CAMK4: variants seen among roughly 807,000 people sequenced by gnomAD.
The protein encoded by CAMK4 is calcium/calmodulin dependent protein kinase IV.
A neutral mutation model predicts 44.9 loss-of-function variants in CAMK4; 22 were observed. The observed-to-expected ratio is 0.49, with a 90% confidence interval of 0.35 to 0.70. The LOEUF is 0.70. Ranked by LOEUF, CAMK4 falls within the 30% of genes least tolerant of loss-of-function variation. CAMK4 has a pLI of 0.01. For missense variants in CAMK4, 498 were observed against 586.8 expected (o/e 0.85, Z 1.56); for synonymous variants, 218 against 215.4 (o/e 1.01, Z -0.11).
At position 111,382,410 on chromosome 5, in the gene CAMK4, G is replaced by A. The variant is rs73216016; in HGVS notation, c.386+5468G>A. On this transcript the variant is annotated intron_variant, in intron 4 of 10. Transcript: ENST00000282356. ...TGGAGTTGTAGTATGGTTGGTATTAGGATTTAACAAACTTAGAAAAAGTCT... is the reference window on the plus strand; with the variant it reads ...TGGAGTTGTAGTATGGTTGGTATTAAGATTTAACAAACTTAGAAAAAGTCT... Among the ~76,000 whole-genome samples, 243 of 152,200 alleles carry A rather than the reference G, an allele frequency of 1.6e-3. 2 individuals carry two copies. Among genetic ancestry groups the A allele is most frequent in the African/African-American group, 5.5e-3 (227 of 41,526 alleles).
At chr5:111,404,760 A>G (rs1054768717) in intron 5 of CAMK4, among the ~76,000 whole-genome samples, 3 of 152,188 alleles carry the variant, frequency 2.0e-5, no homozygotes, top group Non-Finnish European at 2.9e-5. Flanking sequence ...CAAGAACTCC[A>G]TTGTTAAGGT....
chr5:111,406,270 G>T (rs1580710145), intron 5 of CAMK4, among the ~76,000 whole-genome samples: 1 of 150,514 alleles, frequency 6.6e-6, no homozygotes, highest in East Asian at 2.0e-4. Flanking sequence ...ACCCAGGCTG[G>T]AGTGCAGTGG....
chr5:111,269,149 A>T (rs4957937), intron 1 of CAMK4, among the ~76,000 whole-genome samples: 5 of 151,940 alleles, frequency 3.3e-5, no homozygotes, highest in African/African-American at 1.2e-4. Context: ...CATGCCCATC[A>T]TGTACGTATT....
intron 5 of CAMK4, among the ~76,000 whole-genome samples, chr5:111,442,422 G>A (rs6594511): frequency 0.34 from 51,030 of 151,742 alleles, 10,293 homozygotes; most frequent in Middle Eastern, 0.5. Context: ...GCTTGAACCA[G>A]GGAGGTGGAA....
In CAMK4 at chr5:111,303,985, C is replaced by G. The variant is rs1006675605; in HGVS notation, c.162-40039C>G. ...AATTTTCAACCCAGAATTTCATATCCAGCCAAACTAAGCTTCATAAGTGAA... is the reference window on the plus strand; with the variant it reads ...AATTTTCAACCCAGAATTTCATATCGAGCCAAACTAAGCTTCATAAGTGAA... On this transcript the variant is annotated intron_variant, in intron 1 of 10. Coordinates refer to ENST00000282356, the MANE Select transcript of CAMK4 (RefSeq NM_001744.6). Among the ~76,000 whole-genome samples, 34 of 103,034 alleles carry G rather than the reference C, an allele frequency of 3.3e-4. No individual in the cohort carries two copies. In the Admixed American group the frequency reaches 3.4e-3, roughly 10 times the overall value. 67.6% of individuals were successfully genotyped at this position (103,034 alleles called of 152,430 possible).
chr5:111,466,567 G>A (rs985790250), intron 7 of CAMK4, among the ~76,000 whole-genome samples: 5 of 152,078 alleles, frequency 3.3e-5, no homozygotes, highest in African/African-American at 1.2e-4. Flanking sequence ...AACAAGATGA[G>A]AATCAAATAA....
chr5:111,473,938 A>G (rs1010154573), intron 8 of CAMK4, among the ~76,000 whole-genome samples: 1 of 152,210 alleles, frequency 6.6e-6, no homozygotes, highest in African/African-American at 2.4e-5. Flanking sequence ...AAATATTTTA[A>G]TCCCTGGTAT....
At chr5:111,470,962 C>A (rs1021691409) in intron 7 of CAMK4, among the ~76,000 whole-genome samples, 1 of 152,210 alleles carries the variant, frequency 6.6e-6, no homozygotes, top group Non-Finnish European at 1.5e-5. Flanking sequence ...TCCAAAAAAA[C>A]CATTGCCATG....
intron 5 of CAMK4, among the ~76,000 whole-genome samples, chr5:111,409,657 G>A (rs1173607879): frequency 1.3e-5 from 2 of 152,172 alleles, no homozygotes; most frequent in African/African-American, 4.8e-5. Flanking sequence ...ATGTCAGCAG[G>A]CTGCAAATTT....
chr5:111,461,561 C>G (rs34592417), intron 7 of CAMK4, among the ~76,000 whole-genome samples: 60,791 of 151,908 alleles, frequency 0.4, 13,055 homozygotes, highest in Middle Eastern at 0.53. Context: ...TGCTGCCGCC[C>G]ATAGGCAGCT....
intron 2 of CAMK4, among the ~76,000 whole-genome samples, chr5:111,355,879 C>T (rs938507468): frequency 7.6e-6 from 1 of 132,348 alleles, no homozygotes; most frequent in African/African-American, 2.8e-5. Flanking sequence ...ATATGTGCCA[C>T]ATTTTCTTAA....
intron 2 of CAMK4, among the ~76,000 whole-genome samples, chr5:111,356,677 TG>T (rs1212963627): frequency 2.0e-5 from 3 of 152,198 alleles, no homozygotes; most frequent in Admixed American, 2.0e-4. Flanking sequence ...AATTAATTTT[TG>T]TATAAGGTGT....
intron 1 of CAMK4, among the ~76,000 whole-genome samples, chr5:111,333,727 C>G (rs1314100623): frequency 1.3e-5 from 2 of 151,532 alleles, no homozygotes; most frequent in African/African-American, 4.8e-5. Flanking sequence ...AAATTGTTCA[C>G]CAGGCAAGCA....
In CAMK4 at chr5:111,492,794, G is replaced by C. The variant is rs1270343384; in HGVS notation, c.*8328G>C. ...CTATCCTCCAGGAGTGAGCTTTGTA[G>C]TTGGAGAGAAAAGCCAACCTTATAG... On this transcript the variant is annotated 3_prime_UTR_variant, in exon 11 of 11. Coordinates refer to ENST00000282356, the MANE Select transcript of CAMK4 (RefSeq NM_001744.6). The C allele has an allele frequency of 3.3e-5, 5 of 152,152 alleles. No individual in the cohort carries two copies. The East Asian group carries it at 7.7e-4, about 23-fold the overall frequency. 9.4% of individuals were successfully genotyped at this position (152,152 alleles called of 1,614,324 possible). A position where few individuals can be genotyped will look rare whatever the true frequency, so the allele number is the denominator to read the frequency against.
chr5:111,398,160 C>T (rs991890818), intron 5 of CAMK4, among the ~76,000 whole-genome samples: 6 of 152,168 alleles, frequency 3.9e-5, no homozygotes, highest in East Asian at 1.9e-4. Flanking sequence ...AAGTGACATA[C>T]GGTTAACTTA....
At chr5:111,261,599 T>A (rs1749979384) in intron 1 of CAMK4, among the ~76,000 whole-genome samples, 1 of 152,066 alleles carries the variant, frequency 6.6e-6, no homozygotes, top group Non-Finnish European at 1.5e-5. Context: ...AATGACTTTT[T>A]CTGCTTCCAA....
chr5:111,423,210 T>C (rs1237030060), intron 5 of CAMK4, among the ~76,000 whole-genome samples: 1 of 152,226 alleles, frequency 6.6e-6, no homozygotes, highest in Non-Finnish European at 1.5e-5. Context: ...TCAAAAATGA[T>C]AGTACCAATC....
chr5:111,247,263 ATTT>A (rs1056865923), intron 1 of CAMK4, among the ~76,000 whole-genome samples: 2 of 149,070 alleles, frequency 1.3e-5, no homozygotes, highest in Admixed American at 1.3e-4. Context: ...TGATTCATTT[ATTT>A]TTATTTATAA....
chr5:111,410,252 TG>T (rs34608046), intron 5 of CAMK4, among the ~76,000 whole-genome samples: 61,298 of 151,982 alleles, frequency 0.4, 13,023 homozygotes, highest in Middle Eastern at 0.55. Flanking sequence ...CTCACAATCA[TG>T]GCAGAAGGGG....
Sources: gnomAD v4.1 joint callset for allele counts (sites outside exome capture counted in the v4.1 genomes callset) on GRCh38, gnomAD v4.1.1 for gene constraint, MANE v1.5 for transcripts, NCBI Gene and HGNC (gene_info 2026-07-23, HGNC 2026-07-21) for gene names.